ZNRF3: variants seen among roughly 807,000 people sequenced by gnomAD.
ZNRF3 encodes the protein zinc and ring finger 3.
ZNRF3 carries 23 observed loss-of-function variants against 72.5 expected under a neutral mutation model. The observed-to-expected ratio is 0.32, with a 90% confidence interval of 0.23 to 0.45. The LOEUF (loss-of-function observed/expected upper bound fraction) is 0.45. Among genes scored for constraint, ZNRF3 ranks in the 20% least tolerant of loss-of-function variants. ZNRF3 has a pLI of 1.00. For synonymous variants in ZNRF3, 610 were observed against 545.3 expected, an observed-to-expected ratio of 1.12 and a Z score of -1.65; for missense variants, 1,169 against 1,272.1, an observed-to-expected ratio of 0.92 and a Z score of 1.23.
At chr22:29,045,039 C>T in intron 5 of ZNRF3, 149 bp downstream of exon 5, 1 of 625,846 alleles carries the variant, frequency 1.6e-6, no homozygotes, top group Non-Finnish European at 2.8e-6. Flanking sequence ...TCCCAGTGGC[C>T]TAGAAACTGC....
chr22:28,929,152 T>G (rs1370974674), intron 1 of ZNRF3, among the ~76,000 whole-genome samples: 3 of 152,216 alleles, frequency 2.0e-5, no homozygotes, highest in African/African-American at 7.2e-5. Flanking sequence ...GGAGTTTTAT[T>G]AAGAATACCA....
At chr22:28,969,937 C>T (rs1440020198) in intron 1 of ZNRF3, among the ~76,000 whole-genome samples, 2 of 151,960 alleles carry the variant, frequency 1.3e-5, no homozygotes, top group African/African-American at 2.4e-5. Context: ...GCAGAATTTG[C>T]TGAAGGGTTG....
intron 1 of ZNRF3, among the ~76,000 whole-genome samples, chr22:28,930,322 AG>A (rs752004652): frequency 6.6e-6 from 1 of 152,266 alleles, no homozygotes; most frequent in Non-Finnish European, 1.5e-5. Flanking sequence ...CATATAGCTC[AG>A]CTGGTGGGAG....
At chr22:29,003,102 A>G (rs1347345115) in intron 2 of ZNRF3, among the ~76,000 whole-genome samples, 1 of 152,268 alleles carries the variant, frequency 6.6e-6, no homozygotes, top group East Asian at 1.9e-4. Context: ...CTCTGCAGAT[A>G]TAATGCAATT....
At chr22:28,930,157 G>GT (rs1014575611) in intron 1 of ZNRF3, among the ~76,000 whole-genome samples, 12 of 150,938 alleles carry the variant, frequency 8.0e-5, no homozygotes, top group East Asian at 3.9e-4. Flanking sequence ...TTTGGTTTTT[G>GT]TTTTTTTTGT....
intron 8 of ZNRF3, among the ~76,000 whole-genome samples, chr22:29,052,806 T>C (rs2037231185): frequency 6.6e-6 from 1 of 151,226 alleles, no homozygotes; most frequent in African/African-American, 2.4e-5. Flanking sequence ...TGACCCTATC[T>C]CTTAAAAAAA....
At chr22:28,975,739 G>GA (rs991984744) in intron 1 of ZNRF3, among the ~76,000 whole-genome samples, 30 of 149,380 alleles carry the variant, frequency 2.0e-4, no homozygotes, top group African/African-American at 4.9e-4. Flanking sequence ...TCTGTCTCAA[G>GA]AAAAAAAAAA....
intron 5 of ZNRF3, among the ~76,000 whole-genome samples, chr22:29,046,287 G>A (rs1384116968): frequency 6.6e-6 from 1 of 152,196 alleles, no homozygotes; most frequent in East Asian, 1.9e-4. Context: ...CCAACAAGAT[G>A]ATGGCTTGTG....
At position 29,030,032 on chromosome 22, in the gene ZNRF3, C is replaced by G. The variant is rs938635142; in HGVS notation, c.427-12463C>G. Among the ~76,000 whole-genome samples the G allele has an allele frequency of 2.6e-5, 4 of 152,186 alleles. No individual in the cohort carries two copies. The highest frequency in any genetic ancestry group is 9.7e-5 in the African/African-American group (4 of 41,448). ...CAACCAAGATAACGACTTCCAGGTTCTTCCAAAAGCTTATCTTCCAGGCAT... is the reference window on the plus strand; with the variant it reads ...CAACCAAGATAACGACTTCCAGGTTGTTCCAAAAGCTTATCTTCCAGGCAT... On this transcript the variant is annotated intron_variant, in intron 2 of 8. Transcript: ENST00000544604. The surrounding 1 kb of genome is among the most constrained non-coding windows in gnomAD (Gnocchi z 4.2).
rs566968317 is a variant in ZNRF3 at position 28,999,747 on chromosome 22, C to T, written c.426+12546C>T. On this transcript the variant is annotated intron_variant, in intron 2 of 8. Transcript: ENST00000544604. The stretch of plus-strand genomic sequence containing the variant: ...CTGCACATGATTGGTTTTCTGTCTA[C>T]GAAGCTCCCAGAAAACCTGGACATT... Among the ~76,000 whole-genome samples, 5 of 152,332 alleles carry T rather than the reference C, an allele frequency of 3.3e-5. No individual in the cohort carries two copies. In the East Asian group the frequency reaches 9.6e-4, roughly 29 times the overall value.
intron 1 of ZNRF3, among the ~76,000 whole-genome samples, chr22:28,985,919 T>G (rs917073539): frequency 6.6e-6 from 1 of 152,212 alleles, no homozygotes; most frequent in African/African-American, 2.4e-5. Context: ...GAATCCATTT[T>G]TCATCTTTGT....
intron 2 of ZNRF3, among the ~76,000 whole-genome samples, chr22:29,011,921 T>C (rs1041094786): frequency 6.6e-6 from 1 of 152,196 alleles, no homozygotes; most frequent in South Asian, 2.1e-4. Context: ...TTCCAGCTTC[T>C]CTTTGTAACA....
chr22:29,049,645 T>C lies in ZNRF3; in HGVS notation c.1464T>C (p.Pro488=), dbSNP rs2037145190. The stretch of plus-strand genomic sequence containing the variant: ...CGGAGCAGGAGGGGCAGTCCCCACC[T>C]AGCCTCGCACCCCGGGGCCCGGCCC... ...SYPEQEGQSP[P]SLAPRGPARA... Residue 488 remains proline, a synonymous_variant, in exon 8 of 9, where the codon CCT becomes CCC. Coordinates refer to ENST00000544604, the MANE Select transcript of ZNRF3 (RefSeq NM_001206998.2). The surrounding 1 kb of genome is among the most constrained non-coding windows in gnomAD (Gnocchi z 5.2). 1 of 1,610,348 alleles carries C rather than the reference T, an allele frequency of 6.2e-7. No homozygotes were observed. The highest frequency in any genetic ancestry group is 1.7e-5 in the Admixed American group (1 of 59,916).
chr22:29,027,972 C>T (rs1266094785), intron 2 of ZNRF3, among the ~76,000 whole-genome samples: 1 of 152,180 alleles, frequency 6.6e-6, no homozygotes, highest in Admixed American at 6.5e-5. Context: ...GGCCATGTAA[C>T]TGCCCTTCTC....
chr22:29,024,284 G>GTTTTTTTTTTT (rs59532780), intron 2 of ZNRF3, among the ~76,000 whole-genome samples: 8 of 127,822 alleles, frequency 6.3e-5, no homozygotes, highest in Admixed American at 8.0e-5. Flanking sequence ...GGCATTAACT[G>GTTTTTTTTTTT]TTTTTTTTTT....
chr22:28,931,616 C>G (rs2034708410), intron 1 of ZNRF3, among the ~76,000 whole-genome samples: 1 of 152,160 alleles, frequency 6.6e-6, no homozygotes, highest in South Asian at 2.1e-4. Flanking sequence ...GTTAGGGAGC[C>G]CCATCCATCT....
chr22:29,046,978 C>A, intron 6 of ZNRF3, 95 bp downstream of exon 6: 1 of 1,193,570 alleles, frequency 8.4e-7, no homozygotes, highest in South Asian at 2.7e-5. Context: ...TGTGTTCCAT[C>A]ACACACATCA....
intron 2 of ZNRF3, among the ~76,000 whole-genome samples, chr22:29,015,223 G>T (rs2036411223): frequency 6.6e-6 from 1 of 152,202 alleles, no homozygotes; most frequent in South Asian, 2.1e-4. Flanking sequence ...TGCATAATAT[G>T]CTATGTGATA....
chr22:29,034,573 G>A (rs550814142), intron 2 of ZNRF3, among the ~76,000 whole-genome samples: 1 of 152,322 alleles, frequency 6.6e-6, no homozygotes, highest in Admixed American at 6.5e-5. Context: ...GGAGCCTCTA[G>A]CATGTTAGTG....
Sources: gnomAD v4.1 joint callset for allele counts (sites outside exome capture counted in the v4.1 genomes callset) on GRCh38, gnomAD v4.1.1 for gene constraint, Gnocchi (gnomAD v3.1) non-coding constraint, MANE v1.5 for transcripts, NCBI Gene and HGNC (gene_info 2026-07-23, HGNC 2026-07-21) for gene names.